Variants in TTC1 observed in about 807,000 individuals in gnomAD.
TTC1 encodes the protein tetratricopeptide repeat protein 1.
TTC1 carries 31 observed loss-of-function variants against 37.6 expected under a neutral mutation model. The observed-to-expected ratio is 0.82, with a 90% CI of 0.62 to 1.11. The LOEUF is 1.11. Among genes scored for constraint, TTC1 ranks in the 50% most tolerant of loss-of-function variants. The pLI is 0.00. For synonymous variants in TTC1, 127 were observed against 122.4 expected (o/e 1.04, Z -0.25); for missense variants, 351 against 339.0 (o/e 1.04, Z -0.28).
chr5:160,063,966 CTT>C (rs34967107), intron 7 of TTC1, among the ~76,000 whole-genome samples: 3 of 106,670 alleles, frequency 2.8e-5, no homozygotes, highest in African/African-American at 3.7e-5. Context: ...TAGACCATGA[CTT>C]TTTTTTTTTT....
intron 2 of TTC1, among the ~76,000 whole-genome samples, chr5:160,015,542 C>T (rs535653396): frequency 6.6e-6 from 1 of 152,288 alleles, no homozygotes; most frequent in South Asian, 2.1e-4. Context: ...TGATGAGCTT[C>T]CAGGTTGATG....
chr5:160,045,776 T>A (rs1470267475), intron 5 of TTC1, among the ~76,000 whole-genome samples: 2 of 152,034 alleles, frequency 1.3e-5, no homozygotes, highest in African/African-American at 4.8e-5. Flanking sequence ...AGAGACTCGC[T>A]CTGTTGCCTA....
chr5:160,022,498 T>A (rs899748051), intron 2 of TTC1, among the ~76,000 whole-genome samples: 1 of 152,224 alleles, frequency 6.6e-6, no homozygotes, highest in African/African-American at 2.4e-5. Context: ...CATTTGAAGC[T>A]CTTAGCACAA....
In TTC1 at chr5:160,064,585, G is replaced by A. The variant is rs75682714; in HGVS notation, c.746-347G>A. Among the ~76,000 whole-genome samples, 1,345 of 152,274 alleles carry A rather than the reference G, an allele frequency of 8.8e-3. 14 individuals are homozygous for A. Among genetic ancestry groups the A allele is most frequent in the Middle Eastern group, 0.02 (6 of 294 alleles). On this transcript the variant is annotated intron_variant, in intron 7 of 7. Transcript: ENST00000231238. ...TGGCAGGGTGCCTTGAGCCTCACTG[G>A]AACAGCAGTTGGTTTTCCCAGAACT...
intron 7 of TTC1, among the ~76,000 whole-genome samples, chr5:160,058,133 G>T (rs12522137): frequency 0.63 from 96,453 of 152,092 alleles, 30,644 homozygotes; most frequent in African/African-American, 0.68. Flanking sequence ...TCACCAGGAG[G>T]AGATTCCATC....
chr5:160,024,879 G>C (rs916525708), intron 2 of TTC1, among the ~76,000 whole-genome samples: 3 of 151,890 alleles, frequency 2.0e-5, no homozygotes, highest in African/African-American at 7.3e-5. Flanking sequence ...TGTCCCCCAG[G>C]CTGGGGTGCA....
intron 4 of TTC1, among the ~76,000 whole-genome samples, chr5:160,039,354 G>T (rs1443275193): frequency 7.0e-6 from 1 of 142,386 alleles, no homozygotes; most frequent in African/African-American, 2.6e-5. Flanking sequence ...AGATTTGTTT[G>T]TCCTTATATG....
At position 160,065,161 on chromosome 5, in the gene TTC1, A is replaced by G; in HGVS notation, c.*96A>G. On this transcript the variant is annotated 3_prime_UTR_variant, in exon 8 of 8. Transcript: ENST00000231238. The stretch of plus-strand genomic sequence containing the variant: ...CTGCCAATGTTTAACTTTTAAAAGC[A>G]TCTTATCTAAAAGAAAGGCTATCCA... 5.9e-6 allele frequency: 9 copies of G among 1,515,942 alleles called. No individual in the cohort carries two copies. Among genetic ancestry groups the G allele is most frequent in the Non-Finnish European group, 7.1e-6 (8 of 1,125,324 alleles). The allele number at this position is 1,515,942 out of a possible 1,614,324, so 93.9% of individuals were successfully genotyped here.
intron 7 of TTC1, among the ~76,000 whole-genome samples, chr5:160,058,660 C>T (rs542995349): frequency 7.4e-4 from 112 of 152,234 alleles, no homozygotes; most frequent in Admixed American, 2.0e-3. Context: ...ATCCACCCAC[C>T]TCAGCCTCCC....
intron 7 of TTC1, among the ~76,000 whole-genome samples, chr5:160,059,520 T>A (rs1757640394): frequency 6.6e-6 from 1 of 152,256 alleles, no homozygotes; most frequent in South Asian, 2.1e-4. Context: ...TTCATTGAAG[T>A]AGCACTTTTA....
At chr5:160,022,265 T>TA in intron 2 of TTC1, among the ~76,000 whole-genome samples, 1 of 152,300 alleles carries the variant, frequency 6.6e-6, no homozygotes, top group South Asian at 2.1e-4. Flanking sequence ...GTAAAAGAAA[T>TA]ACCCTACTCA....
chr5:160,030,088 A>G (rs1756882856), intron 2 of TTC1, among the ~76,000 whole-genome samples: 2 of 152,268 alleles, frequency 1.3e-5, no homozygotes, highest in Admixed American at 6.5e-5. Context: ...GAATTGAATT[A>G]CAAAATCAAA....
chr5:160,045,962 C>T (rs1046896826), intron 5 of TTC1, among the ~76,000 whole-genome samples: 3 of 152,182 alleles, frequency 2.0e-5, no homozygotes, highest in East Asian at 1.9e-4. Context: ...AGGCTGCTCT[C>T]GAACTCCTGA....
At chr5:160,060,083 G>A (rs1757658943) in intron 7 of TTC1, among the ~76,000 whole-genome samples, 1 of 152,204 alleles carries the variant, frequency 6.6e-6, no homozygotes, top group Non-Finnish European at 1.5e-5. Flanking sequence ...AAAAGCTAGA[G>A]TTAGCTGCAT....
At chr5:160,049,767 T>C in intron 6 of TTC1, 105 bp downstream of exon 6, 1 of 1,073,502 alleles carries the variant, frequency 9.3e-7, no homozygotes, top group South Asian at 2.2e-5. Context: ...ATTTCTGTGC[T>C]TTTGAGGAGC....
chr5:160,060,819 T>G (rs958967729), intron 7 of TTC1, among the ~76,000 whole-genome samples: 17 of 152,260 alleles, frequency 1.1e-4, no homozygotes, highest in Non-Finnish European at 2.4e-4. Context: ...TTGTTGATTC[T>G]ACCATACTGT....
intron 2 of TTC1, among the ~76,000 whole-genome samples, chr5:160,020,380 G>T (rs1756683241): frequency 6.6e-6 from 1 of 152,166 alleles, no homozygotes. Context: ...CTCCCAAAGT[G>T]CTGGGATTAC....
intron 2 of TTC1, among the ~76,000 whole-genome samples, chr5:160,034,531 A>G (rs922957768): frequency 6.6e-6 from 1 of 152,150 alleles, no homozygotes; most frequent in Non-Finnish European, 1.5e-5. Context: ...TGTCTCCTTC[A>G]TGACACAAAC....
chr5:160,044,753 C>T (rs1274507609), intron 5 of TTC1, among the ~76,000 whole-genome samples: 1 of 152,214 alleles, frequency 6.6e-6, no homozygotes, highest in Non-Finnish European at 1.5e-5. Flanking sequence ...CCTCCTGTCT[C>T]ATCCTGTGAC....
Sources: allele counts gnomAD v4.1 joint callset (sites outside exome capture counted in the v4.1 genomes callset), GRCh38; gene constraint gnomAD v4.1.1; transcripts MANE v1.5; gene names NCBI Gene and HGNC (gene_info 2026-07-23, HGNC 2026-07-21).